Variants in ZNF799 observed in about 807,000 individuals in gnomAD.
The protein encoded by ZNF799 is zinc finger protein 14.
Under a neutral mutation model 41.0 loss-of-function variants are expected in ZNF799, and 28 were observed. The ratio of observed to expected loss-of-function variants is 0.68; its 90% CI spans 0.51 to 0.94. The LOEUF (loss-of-function observed/expected upper bound fraction) is 0.94. Ranked by LOEUF, ZNF799 falls within the 40% of genes least tolerant of loss-of-function variation. ZNF799 has a pLI of 0.00. For missense variants in ZNF799, 716 were observed against 764.3 expected, an observed-to-expected ratio of 0.94 and a Z score of 0.74; for synonymous variants, 213 against 252.9, an observed-to-expected ratio of 0.84 and a Z score of 1.50.
Position 12,399,829 on chromosome 19 carries a change from T to C in ZNF799, c.3+1239A>G, listed in dbSNP as rs2431849. Among the ~76,000 whole-genome samples the C allele has an allele frequency of 6.9e-4, 105 of 151,896 alleles. 2 individuals are homozygous for C. The highest frequency in any genetic ancestry group is 4.1e-3 in the Admixed American group (63 of 15,272). On this transcript the variant is annotated intron_variant, in intron 1 of 3. Coordinates refer to ENST00000430385, the MANE Select transcript of ZNF799 (RefSeq NM_001080821.3). ...CAGCTAATTTTATTATTATCATTTA[T>C]ACTAGAGACAAGGTCTTGCCATGTT...
the ZNF799 span, among the ~76,000 whole-genome samples, chr19:12,409,871 G>C: frequency 6.6e-6 from 1 of 152,166 alleles, no homozygotes; most frequent in Non-Finnish European, 1.5e-5. Context: ...TTAGGGCCAG[G>C]CACAGTGGCT....
At position 12,394,721 on chromosome 19, in the gene ZNF799, ATATT is replaced by A. The variant is rs1046764921; in HGVS notation, c.4-1302_4-1299del. On this transcript the variant is annotated intron_variant, in intron 1 of 3. Transcript: ENST00000430385. ...AAGAACTCAGTGTCATCTCTCATGAATATTTATAATACTTACTAAGAAACTAAAA... is the reference window on the plus strand; with the variant it reads ...AAGAACTCAGTGTCATCTCTCATGAATATAATACTTACTAAGAAACTAAAA... The A allele has an allele frequency of 1.4e-5, 14 of 985,154 alleles. No homozygotes were observed. The African/African-American group carries it at 2.4e-4, about 17-fold the overall frequency. The allele number at this position is 985,154 out of a possible 1,614,324, so 61.0% of individuals were successfully genotyped here. A position where few individuals can be genotyped will look rare whatever the true frequency, so the allele number is the denominator to read the frequency against.
chr19:12,398,227 C>G (rs1969928948), intron 1 of ZNF799: 1 of 147,508 alleles, frequency 6.8e-6, no homozygotes, highest in Admixed American at 6.9e-5. Flanking sequence ...CCACTGCACT[C>G]CAGCCTGGAC....
At chr19:12,409,169 T>A in the ZNF799 span, among the ~76,000 whole-genome samples, 1 of 151,564 alleles carries the variant, frequency 6.6e-6, no homozygotes, top group Non-Finnish European at 1.5e-5. Flanking sequence ...CCACCTCACA[T>A]CATCAGGCAT....
the ZNF799 span, among the ~76,000 whole-genome samples, chr19:12,412,065 C>T: frequency 6.6e-6 from 1 of 152,200 alleles, no homozygotes; most frequent in Non-Finnish European, 1.5e-5. Flanking sequence ...GTCACCATGT[C>T]CCTATGGGAC....
At chr19:12,410,280 TATA>T in the ZNF799 span, among the ~76,000 whole-genome samples, 1 of 96,678 alleles carries the variant, frequency 1.0e-5, no homozygotes, top group African/African-American at 4.4e-5. Context: ...TATATATATA[TATA>T]TATATATATA....
At chr19:12,400,865 C>A (rs1479619669) in intron 1 of ZNF799, 4 of 860,024 alleles carry the variant, frequency 4.7e-6, no homozygotes, top group Non-Finnish European at 5.3e-6. Flanking sequence ...CCGCAGTCGC[C>A]GCGCAGGAAC....
Position 12,390,317 on chromosome 19 carries a change from T to A in ZNF799, c.*149A>T. 1 of 1,441,920 alleles carries A rather than the reference T, an allele frequency of 6.9e-7. No homozygotes were observed. The highest frequency in any genetic ancestry group is 1.4e-5 in the African/African-American group (1 of 70,508). The allele number at this position is 1,441,920 out of a possible 1,614,324, so 89.3% of individuals were successfully genotyped here. A position where few individuals can be genotyped will look rare whatever the true frequency, so the allele number is the denominator to read the frequency against. ...CCAATACCCAGCAGGTATCAAGGGA[T>A]GACTGTACTGGAAAGAAACTGAAAT... is the stretch of plus-strand genomic sequence containing the variant. On this transcript the variant is annotated 3_prime_UTR_variant, in exon 4 of 4. Transcript: ENST00000430385.
At position 12,391,589 on chromosome 19, in the gene ZNF799, C is replaced by T. The variant is rs755680500; in HGVS notation, c.809G>A (p.Arg270Lys). 1.2e-6 allele frequency: 2 copies of T among 1,613,730 alleles called. No individual in the cohort carries two copies. The highest frequency in any genetic ancestry group is 1.7e-6 in the Non-Finnish European group (2 of 1,179,954). ...CTTTCCAGTGTGAGTTCTTTCATGT[C>T]TTAGACAAGAACTGTAATCAGGGAA... is the stretch of plus-strand genomic sequence containing the variant. ...KAFPDYSSCL[R>K]HERTHTGKKP... The change falls in exon 4 of 4, where the codon AGA (arginine) becomes AAA (lysine). Residue 270 changes from arginine (R) to lysine (K), a missense_variant. Arg to Lys is a conservative substitution (Grantham distance 26). Transcript: ENST00000430385.
chr19:12,409,008 C>T, the ZNF799 span, among the ~76,000 whole-genome samples: 2 of 151,880 alleles, frequency 1.3e-5, no homozygotes, highest in East Asian at 3.9e-4. Context: ...GCACTCCAGC[C>T]TGGGCAATAA....
intron 1 of ZNF799, chr19:12,393,907 G>A (rs558929038): frequency 8.6e-6 from 2 of 231,660 alleles, no homozygotes; most frequent in East Asian, 1.7e-4. Context: ...TGCCTAAATT[G>A]TTTACGCAAA....
the ZNF799 span, among the ~76,000 whole-genome samples, chr19:12,412,081 A>G: frequency 6.6e-6 from 1 of 152,148 alleles, no homozygotes; most frequent in African/African-American, 2.4e-5. Context: ...GGGACAGCTA[A>G]ATACAACTTG....
intron 1 of ZNF799, among the ~76,000 whole-genome samples, chr19:12,398,709 C>G (rs1257444815): frequency 6.6e-6 from 1 of 152,176 alleles, no homozygotes; most frequent in Non-Finnish European, 1.5e-5. Context: ...GAGAACTGAA[C>G]TTTTGTTAAA....
chr19:12,403,697 C>G (rs1970013070), upstream of ZNF799, among the ~76,000 whole-genome samples: 1 of 152,096 alleles, frequency 6.6e-6, no homozygotes, highest in Admixed American at 6.5e-5. Context: ...AGATTACAGG[C>G]ACCCACCACC....
chr19:12,393,049 C>A (rs1969848714), intron 2 of ZNF799, among the ~76,000 whole-genome samples: 1 of 147,118 alleles, frequency 6.8e-6, no homozygotes, highest in Non-Finnish European at 1.5e-5. Flanking sequence ...AATAATACGA[C>A]ATAAAATATA....
chr19:12,400,501 T>G, intron 1 of ZNF799: 1 of 158,888 alleles, frequency 6.3e-6, no homozygotes, highest in Non-Finnish European at 1.4e-5. Flanking sequence ...TGCTCAAGAG[T>G]CGCCGGAGTT....
intron 1 of ZNF799, among the ~76,000 whole-genome samples, chr19:12,398,950 T>C (rs976532576): frequency 6.6e-6 from 1 of 152,180 alleles, no homozygotes; most frequent in African/African-American, 2.4e-5. Context: ...ACATATACCA[T>C]TTATATTCTG....
intron 1 of ZNF799, among the ~76,000 whole-genome samples, chr19:12,399,666 C>T (rs1969949092): frequency 1.5e-5 from 2 of 136,040 alleles, no homozygotes; most frequent in Admixed American, 1.5e-4. Context: ...TTTTTTGAGA[C>T]AGGGTCGGCC....
chr19:12,394,865 A>C, intron 1 of ZNF799: 11 of 985,248 alleles, frequency 1.1e-5, no homozygotes, highest in Non-Finnish European at 1.3e-5. Flanking sequence ...AAAACAAATA[A>C]AGGATTTTAT....
Sources: gnomAD v4.1 joint callset for allele counts (sites outside exome capture counted in the v4.1 genomes callset) on GRCh38, gnomAD v4.1.1 for gene constraint, MANE v1.5 for transcripts, NCBI Gene and HGNC (gene_info 2026-07-23, HGNC 2026-07-21) for gene names.